The following CIMIP2C variants were observed in gnomAD, a reference collection of about 807,000 sequenced individuals.
CIMIP2C encodes the protein ciliary microtubule inner protein 2C, also known as UPF0573 protein C2orf70.
At chr2:26,575,943 C>T in the CIMIP2C span, 1 of 1,613,844 alleles carries the variant, frequency 6.2e-7, no homozygotes, top group South Asian at 1.1e-5. Context: ...TCCTTTGGCG[C>T]TCCCTACGGC....
At chr2:26,566,240 G>T in the CIMIP2C span, among the ~76,000 whole-genome samples, 2 of 152,180 alleles carry the variant, frequency 1.3e-5, no homozygotes, top group African/African-American at 2.4e-5. Context: ...AGGAGGATTT[G>T]CCTCCCAGCC....
the CIMIP2C span, among the ~76,000 whole-genome samples, chr2:26,563,983 G>A: frequency 1.3e-5 from 2 of 152,220 alleles, no homozygotes; most frequent in African/African-American, 4.8e-5. Flanking sequence ...CAAGCCAGGT[G>A]ACTTAGGATT....
At chr2:26,574,407 T>G in the CIMIP2C span, among the ~76,000 whole-genome samples, 3 of 149,700 alleles carry the variant, frequency 2.0e-5, no homozygotes, top group Admixed American at 1.3e-4. Context: ...TAGATGTGGG[T>G]GAGGTGGATG....
the CIMIP2C span, among the ~76,000 whole-genome samples, chr2:26,576,943 A>G: frequency 3.3e-5 from 5 of 152,260 alleles, no homozygotes; most frequent in East Asian, 7.7e-4. Flanking sequence ...ACCTTCTCTC[A>G]CAAGCCTCCC....
the CIMIP2C span, among the ~76,000 whole-genome samples, chr2:26,574,946 C>T: frequency 6.6e-6 from 1 of 152,240 alleles, no homozygotes; most frequent in East Asian, 1.9e-4. Flanking sequence ...CATGGGGGCA[C>T]AGGGCCGTGC....
the CIMIP2C span, among the ~76,000 whole-genome samples, chr2:26,566,345 C>G: frequency 1.3e-5 from 2 of 152,196 alleles, no homozygotes; most frequent in Admixed American, 1.3e-4. Flanking sequence ...AAAATCAGTG[C>G]GTTCCACTCC....
chr2:26,571,745 C>G, the CIMIP2C span, among the ~76,000 whole-genome samples: 2 of 152,060 alleles, frequency 1.3e-5, no homozygotes, highest in Non-Finnish European at 2.9e-5. Context: ...CAGACGAGAT[C>G]GGGCGCGCTC....
At chr2:26,576,578 G>C in the CIMIP2C span, among the ~76,000 whole-genome samples, 1 of 152,170 alleles carries the variant, frequency 6.6e-6, no homozygotes, top group Admixed American at 6.5e-5. Flanking sequence ...AATAACACAC[G>C]AGCAAAGGCC....
the CIMIP2C span, among the ~76,000 whole-genome samples, chr2:26,566,055 C>T: frequency 6.6e-6 from 1 of 152,218 alleles, no homozygotes; most frequent in Non-Finnish European, 1.5e-5. Context: ...ATCCAAGCTT[C>T]CTGCTTGCAA....
At chr2:26,568,842 A>G in the CIMIP2C span, among the ~76,000 whole-genome samples, 8,616 of 152,090 alleles carry the variant, frequency 0.057, 797 homozygotes, top group African/African-American at 0.2. Context: ...CCAATATGGC[A>G]AAACCCCGTC....
the CIMIP2C span, among the ~76,000 whole-genome samples, chr2:26,563,384 A>G: frequency 6.6e-6 from 1 of 152,258 alleles, no homozygotes; most frequent in South Asian, 2.1e-4. Flanking sequence ...GACTCCAACC[A>G]TCTAACATGC....
chr2:26,577,187 G>A, the CIMIP2C span, among the ~76,000 whole-genome samples: 1 of 152,246 alleles, frequency 6.6e-6, no homozygotes, highest in African/African-American at 2.4e-5. Context: ...CGGACATGGT[G>A]CCTGTGTGCA....
At chr2:26,577,568 G>A in the CIMIP2C span, 17 of 1,613,974 alleles carry the variant, frequency 1.1e-5, no homozygotes, top group South Asian at 2.2e-5. Flanking sequence ...ACAGTGCCTC[G>A]AGTCCCCTAC....
the CIMIP2C span, chr2:26,562,966 C>T: frequency 2.2e-6 from 1 of 460,228 alleles, no homozygotes. Flanking sequence ...TGGATGTAGC[C>T]GGGGAAGGGG....
the CIMIP2C span, among the ~76,000 whole-genome samples, chr2:26,569,115 G>T: frequency 6.6e-6 from 1 of 152,132 alleles, no homozygotes; most frequent in East Asian, 1.9e-4. Flanking sequence ...GGCAGGCAGG[G>T]TCTGTGGGCT....
chr2:26,565,064 C>T, the CIMIP2C span, among the ~76,000 whole-genome samples: 18 of 138,838 alleles, frequency 1.3e-4, no homozygotes, highest in African/African-American at 5.6e-4. Flanking sequence ...CTTCTTCTTC[C>T]CCTTCCCCTT....
At chr2:26,575,357 T>A in the CIMIP2C span, among the ~76,000 whole-genome samples, 3 of 152,208 alleles carry the variant, frequency 2.0e-5, no homozygotes, top group African/African-American at 7.2e-5. Flanking sequence ...CCCCTACTCT[T>A]TCATGAGATA....
the CIMIP2C span, among the ~76,000 whole-genome samples, chr2:26,565,147 T>TG: frequency 6.9e-6 from 1 of 144,762 alleles, no homozygotes; most frequent in Non-Finnish European, 1.5e-5. Flanking sequence ...TGGAGTGCAA[T>TG]GGCGCAATCT....
At chr2:26,562,764 C>T in the CIMIP2C span, 5 of 1,291,540 alleles carry the variant, frequency 3.9e-6, no homozygotes, top group Non-Finnish European at 5.5e-6. Context: ...GCCCCCTGCC[C>T]CCGGACTTTG....
Sources: gnomAD v4.1 joint callset for allele counts (sites outside exome capture counted in the v4.1 genomes callset) on GRCh38, gnomAD v4.1.1 for gene constraint, MANE v1.5 for transcripts, NCBI Gene and HGNC (gene_info 2026-07-23, HGNC 2026-07-21) for gene names.